CALN1: variants seen among roughly 807,000 people sequenced by gnomAD.
CALN1 encodes the protein calneuron 1.
Under a neutral mutation model 30.6 loss-of-function variants are expected in CALN1, and 17 were observed. The ratio of observed to expected loss-of-function variants is 0.56; its 90% confidence interval spans 0.38 to 0.83. The LOEUF (loss-of-function observed/expected upper bound fraction) is 0.83. Among genes scored for constraint, CALN1 ranks in the 40% least tolerant of loss-of-function variants. The pLI is 0.00. For synonymous variants in CALN1, 156 were observed against 131.4 expected, an observed-to-expected ratio of 1.19 and a Z score of -1.28; for missense variants, 291 against 354.9, an observed-to-expected ratio of 0.82 and a Z score of 1.45.
At chr7:71,918,750 CCTA>C (rs1257335980) in intron 5 of CALN1, among the ~76,000 whole-genome samples, 1 of 152,160 alleles carries the variant, frequency 6.6e-6, no homozygotes, top group Non-Finnish European at 1.5e-5. Flanking sequence ...AAAGGTCATT[CCTA>C]CTGTCCACCA....
At chr7:71,869,368 GC>G (rs1490370632) in intron 5 of CALN1, among the ~76,000 whole-genome samples, 2 of 152,082 alleles carry the variant, frequency 1.3e-5, no homozygotes, top group Non-Finnish European at 2.9e-5. Context: ...GCACCACCAT[GC>G]CTGGCTAATT....
At chr7:72,228,511 C>A (rs950958923) in intron 3 of CALN1, among the ~76,000 whole-genome samples, 2 of 151,704 alleles carry the variant, frequency 1.3e-5, no homozygotes, top group Admixed American at 6.6e-5. Flanking sequence ...GGTATATAAA[C>A]TATTCCTCAA....
intron 3 of CALN1, among the ~76,000 whole-genome samples, chr7:72,212,293 T>C (rs1352512207): frequency 7.3e-6 from 1 of 136,914 alleles, no homozygotes; most frequent in Non-Finnish European, 1.5e-5. Flanking sequence ...AGGACTGCAG[T>C]GAGCGGAGAC....
intron 3 of CALN1, among the ~76,000 whole-genome samples, chr7:72,109,364 T>C (rs1246704772): frequency 6.6e-6 from 1 of 152,122 alleles, no homozygotes; most frequent in East Asian, 1.9e-4. Context: ...CATGGATCCC[T>C]CAGGTCCTCC....
chr7:71,958,312 T>C (rs1797072801), intron 5 of CALN1, among the ~76,000 whole-genome samples: 2 of 152,174 alleles, frequency 1.3e-5, no homozygotes, highest in South Asian at 2.1e-4. Flanking sequence ...TTTCTTGCCC[T>C]ATTCTCATAC....
chr7:72,247,429 A>C (rs1396071043), intron 3 of CALN1, among the ~76,000 whole-genome samples: 1 of 150,948 alleles, frequency 6.6e-6, no homozygotes, highest in Non-Finnish European at 1.5e-5. Context: ...TTGTATTTTT[A>C]GTAGAGACGG....
chr7:72,326,273 TG>T (rs942536190), intron 2 of CALN1, among the ~76,000 whole-genome samples: 4 of 152,206 alleles, frequency 2.6e-5, no homozygotes, highest in African/African-American at 9.6e-5. Flanking sequence ...TTGCTTGTCT[TG>T]GATAGGCACA....
At chr7:72,338,525 G>GTGTGTGTTTGTCTGTC in intron 2 of CALN1, among the ~76,000 whole-genome samples, 1 of 122,292 alleles carries the variant, frequency 8.2e-6, no homozygotes, top group Admixed American at 8.5e-5. Flanking sequence ...GTGTGTGTGT[G>GTGTGTGTTTGTCTGTC]TGTCTCACCT....
At chr7:71,789,948 A>AT (rs1372045747) in intron 6 of CALN1, among the ~76,000 whole-genome samples, 6 of 151,876 alleles carry the variant, frequency 4.0e-5, no homozygotes, top group Admixed American at 3.9e-4. Flanking sequence ...ATAATAAAAA[A>AT]AAAATTTAGC....
intron 3 of CALN1, among the ~76,000 whole-genome samples, chr7:72,229,197 C>T (rs1474406005): frequency 6.6e-6 from 1 of 151,940 alleles, no homozygotes; most frequent in Non-Finnish European, 1.5e-5. Context: ...GTCCTGGTCC[C>T]CAGAACCTGT....
At chr7:72,046,043 G>A (rs2129534796) in intron 4 of CALN1, among the ~76,000 whole-genome samples, 1 of 150,594 alleles carries the variant, frequency 6.6e-6, no homozygotes, top group African/African-American at 2.4e-5. Flanking sequence ...CCAGGTGCAG[G>A]AGCTCACCCC....
At chr7:71,958,937 A>G (rs1797103715) in intron 5 of CALN1, among the ~76,000 whole-genome samples, 1 of 152,190 alleles carries the variant, frequency 6.6e-6, no homozygotes, top group African/African-American at 2.4e-5. Context: ...ACTTTCCAAC[A>G]TGCTGCCTGA....
intron 5 of CALN1, among the ~76,000 whole-genome samples, chr7:71,999,797 G>A (rs901664589): frequency 6.6e-6 from 1 of 152,110 alleles, no homozygotes; most frequent in Non-Finnish European, 1.5e-5. Flanking sequence ...ACAGGCATGA[G>A]ACACTGTGCC....
intron 3 of CALN1, among the ~76,000 whole-genome samples, chr7:72,149,234 G>C (rs1211018222): frequency 1.3e-5 from 2 of 152,112 alleles, no homozygotes; most frequent in East Asian, 3.9e-4. Flanking sequence ...GGGAGACCGA[G>C]GCGGGTGGAT....
chr7:72,029,346 C>G (rs1801291993), intron 4 of CALN1, among the ~76,000 whole-genome samples: 1 of 152,094 alleles, frequency 6.6e-6, no homozygotes, highest in Admixed American at 6.5e-5. Flanking sequence ...AATCTTCTGA[C>G]CTCGTGATCC....
chr7:71,991,208 C>T (rs949175614), intron 5 of CALN1, among the ~76,000 whole-genome samples: 3 of 152,124 alleles, frequency 2.0e-5, no homozygotes, highest in Non-Finnish European at 2.9e-5. Context: ...CCTGTAATCC[C>T]AGCAATTTGG....
intron 5 of CALN1, among the ~76,000 whole-genome samples, chr7:71,878,106 G>A (rs749322598): frequency 1.8e-4 from 27 of 152,262 alleles, no homozygotes; most frequent in Non-Finnish European, 2.8e-4. Context: ...TCAATATAGT[G>A]TTGACCAAAA....
At chr7:71,977,831 T>C (rs1798175579) in intron 5 of CALN1, among the ~76,000 whole-genome samples, 1 of 150,444 alleles carries the variant, frequency 6.6e-6, no homozygotes, top group South Asian at 2.1e-4. Flanking sequence ...AGTTGGGAGG[T>C]TGAGGAAGGA....
the CALN1 span, among the ~76,000 whole-genome samples, chr7:72,500,708 G>A: frequency 6.6e-6 from 1 of 151,720 alleles, no homozygotes; most frequent in Admixed American, 6.6e-5. Flanking sequence ...AACTAAAACT[G>A]ATATGAAAAC....
Sources: allele counts gnomAD v4.1 joint callset (sites outside exome capture counted in the v4.1 genomes callset), GRCh38; gene constraint gnomAD v4.1.1; transcripts MANE v1.5; gene names NCBI Gene and HGNC (gene_info 2026-07-23, HGNC 2026-07-21).